ACP3: variants seen among roughly 807,000 people sequenced by gnomAD.
ACP3 encodes the protein prostatic acid phosphatase.
A neutral mutation model predicts 45.6 loss-of-function variants in ACP3; 38 were observed. The ratio of observed to expected loss-of-function variants is 0.83; its 90% CI spans 0.64 to 1.09. The LOEUF (loss-of-function observed/expected upper bound fraction) is 1.09. Among genes scored for constraint, ACP3 ranks in the 50% least tolerant of loss-of-function variants. ACP3 has a pLI of 0.00. For synonymous variants in ACP3, 162 were observed against 164.7 expected (o/e 0.98, Z 0.13); for missense variants, 466 against 463.2 (o/e 1.01, Z -0.05).
chr3:132,341,383 C>A (rs1576418420), intron 5 of ACP3, among the ~76,000 whole-genome samples: 1 of 152,102 alleles, frequency 6.6e-6, no homozygotes, highest in Admixed American at 6.5e-5. Flanking sequence ...TTTTTTAATA[C>A]AATCAAATTA....
intron 4 of ACP3, chr3:132,332,589 A>G (rs1224668539): frequency 2.2e-6 from 1 of 454,530 alleles, no homozygotes. Flanking sequence ...ACTCTTGGCA[A>G]TTTGCCCCCT....
At chr3:132,351,400 A>G (rs1019278660) in intron 8 of ACP3, among the ~76,000 whole-genome samples, 1 of 152,214 alleles carries the variant, frequency 6.6e-6, no homozygotes, top group Non-Finnish European at 1.5e-5. Context: ...TGGGATGAGC[A>G]GGGAAACAGG....
In ACP3 at chr3:132,358,264, A is replaced by G; in HGVS notation, c.*1386A>G. ...AAGGAAGGGACACATATCAAACTGA[A>G]ACAAAATTAGAAATGTAATTATGTT... On this transcript the variant is annotated 3_prime_UTR_variant, in exon 10 of 10. Transcript: ENST00000336375. The G allele has an allele frequency of 8.9e-7, 1 of 1,118,666 alleles. No individual in the cohort carries two copies. Among genetic ancestry groups the G allele is most frequent in the Non-Finnish European group, 1.1e-6 (1 of 902,014 alleles). The allele number at this position is 1,118,666 out of a possible 1,614,324, so 69.3% of individuals were successfully genotyped here. A position where few individuals can be genotyped will look rare whatever the true frequency, so the allele number is the denominator to read the frequency against.
intron 1 of ACP3, 54 bp from the exon 2 acceptor site, chr3:132,328,213 A>G: frequency 1.4e-6 from 2 of 1,449,404 alleles, no homozygotes; most frequent in Non-Finnish European, 1.9e-6. Context: ...TAATGAGCAG[A>G]AGCAAAACAC....
chr3:132,349,611 C>G (rs1460973647), intron 7 of ACP3, among the ~76,000 whole-genome samples: 4 of 152,146 alleles, frequency 2.6e-5, no homozygotes, highest in Non-Finnish European at 4.4e-5. Context: ...TTTAACAAAA[C>G]CCGGTATGGT....
intron 1 of ACP3, among the ~76,000 whole-genome samples, chr3:132,322,103 C>A (rs151261599): frequency 2.6e-5 from 4 of 152,274 alleles, no homozygotes; most frequent in African/African-American, 9.6e-5. Context: ...CAAGGTCACC[C>A]AGCAGGACCT....
chr3:132,337,063 G>GGTGTGTGTGTGTGT (rs113543420), intron 4 of ACP3, among the ~76,000 whole-genome samples: 6 of 144,894 alleles, frequency 4.1e-5, no homozygotes, highest in African/African-American at 1.5e-4. Context: ...CATGCGTTGG[G>GGTGTGTGTGTGTGT]GTGTGTGTGT....
In ACP3 at chr3:132,349,970, C is replaced by G. The variant is rs778941982; in HGVS notation, c.832C>G (p.Pro278Ala). ...LNHMKRATQI[P>A]SYKKLIMYSA... ...TCACATGAAGAGAGCAACTCAGATA[C>G]CAAGCTACAAAAAACTCATCATGTA... is the stretch of plus-strand genomic sequence containing the variant. The change falls in exon 8 of 10, where the codon CCA (proline) becomes GCA (alanine). Residue 278 changes from proline to alanine, a missense_variant. Physicochemically the swap from Pro to Ala is conservative, Grantham distance 27 (BLOSUM62 -1). Transcript: ENST00000336375. The G allele has an allele frequency of 1.9e-6, 3 of 1,612,392 alleles. No homozygotes were observed. The highest frequency in any genetic ancestry group is 2.2e-5 in the South Asian group (2 of 91,042).
At chr3:132,359,878 A>T (rs1449299790), downstream of ACP3, among the ~76,000 whole-genome samples, 3 of 152,190 alleles carry the variant, frequency 2.0e-5, no homozygotes, top group Non-Finnish European at 2.9e-5. Context: ...CCAATGTGGC[A>T]GGAGTATTTT....
intron 8 of ACP3, among the ~76,000 whole-genome samples, chr3:132,350,975 T>A (rs1474973189): frequency 1.3e-5 from 2 of 152,144 alleles, no homozygotes; most frequent in African/African-American, 2.4e-5. Context: ...GTGAGCCAGG[T>A]TACAAGAAAA....
intron 8 of ACP3, 71 bp from the exon 9 acceptor site, chr3:132,352,649 G>T: frequency 1.0e-6 from 1 of 994,522 alleles, no homozygotes; most frequent in South Asian, 1.3e-5. Flanking sequence ...CCATCATGGT[G>T]CTGTACAAGT....
At chr3:132,325,631 C>G (rs1576408689) in intron 1 of ACP3, among the ~76,000 whole-genome samples, 1 of 151,986 alleles carries the variant, frequency 6.6e-6, no homozygotes, top group Non-Finnish European at 1.5e-5. Flanking sequence ...CCTTCCAATC[C>G]TAGAGGAAAA....
intron 1 of ACP3, among the ~76,000 whole-genome samples, chr3:132,320,383 C>T (rs937063737): frequency 2.6e-5 from 4 of 152,174 alleles, no homozygotes; most frequent in African/African-American, 7.2e-5. Context: ...TCTGCATAGC[C>T]ACTCATTTCC....
At chr3:132,323,892 T>G (rs1937249486) in intron 1 of ACP3, among the ~76,000 whole-genome samples, 2 of 152,220 alleles carry the variant, frequency 1.3e-5, no homozygotes, top group South Asian at 4.1e-4. Context: ...AGTTGATAAT[T>G]GTTGGAGACA....
At chr3:132,317,678 G>A in intron 1 of ACP3, 102 bp downstream of exon 1, 1 of 1,333,084 alleles carries the variant, frequency 7.5e-7, no homozygotes, top group Non-Finnish European at 1.0e-6. Flanking sequence ...TTGTTTCCCA[G>A]AGACCAGGCT....
Position 132,317,579 on chromosome 3 carries a change from A to G in ACP3, c.120+3A>G. 1 of 1,609,326 alleles carries G rather than the reference A, an allele frequency of 6.2e-7. No individual in the cohort carries two copies. Among genetic ancestry groups the G allele is most frequent in the Non-Finnish European group, 8.5e-7 (1 of 1,177,850 alleles). ...AGGAGTTGAAGTTTGTGACTTTGGT[A>G]AGTAGACTTTTCTCATTGCTTTTTC... is the stretch of plus-strand genomic sequence containing the variant. On this transcript the variant is annotated splice_donor_region_variant and intron_variant, in intron 1 of 9. Transcript: ENST00000336375.
intron 2 of ACP3, among the ~76,000 whole-genome samples, chr3:132,329,728 C>T (rs114917851): frequency 3.4e-4 from 52 of 152,234 alleles, no homozygotes; most frequent in African/African-American, 1.2e-3. Context: ...ATTTCTCAAG[C>T]TTCCATGTGC....
chr3:132,350,002 GGTAA>G lies in ACP3; in HGVS notation c.864+4_864+7del, dbSNP rs1281176495. On this transcript the variant is annotated splice_donor_variant and splice_donor_region_variant and intron_variant, in intron 8 of 9. Transcript: ENST00000336375. LOFTEE classifies it high-confidence loss of function. ...ACAAAAAACTCATCATGTATTCTGC[GGTAA>G]GTATTTTCATCTTCATTTAACATAT... is the stretch of plus-strand genomic sequence containing the variant. The G allele has an allele frequency of 1.9e-6, 3 of 1,585,620 alleles. No homozygotes were observed. In the African/African-American group the frequency reaches 4.0e-5, roughly 21 times the overall value.
At chr3:132,324,362 G>T (rs776314746) in intron 1 of ACP3, among the ~76,000 whole-genome samples, 7 of 152,158 alleles carry the variant, frequency 4.6e-5, no homozygotes, top group Non-Finnish European at 8.8e-5. Flanking sequence ...GTTCATTCAT[G>T]GGGGCACCAA....
Sources: gnomAD v4.1 joint callset for allele counts (sites outside exome capture counted in the v4.1 genomes callset) on GRCh38, gnomAD v4.1.1 for gene constraint, MANE v1.5 for transcripts, NCBI Gene and HGNC (gene_info 2026-07-23, HGNC 2026-07-21) for gene names.